The following CNOT4 variants were observed in gnomAD, a reference collection of about 807,000 sequenced individuals.
CNOT4 encodes CCR4-associated factor 4.
Under a neutral mutation model 73.8 loss-of-function variants are expected in CNOT4, and 8 were observed. That is an observed-to-expected ratio of 0.11 (90% CI 0.06 to 0.20). CNOT4 has a LOEUF of 0.20. CNOT4 is among the 10% of genes least tolerant of loss of function. CNOT4 has a pLI of 1.00. For missense variants in CNOT4, 564 were observed against 883.4 expected (o/e 0.64, Z 4.58); for synonymous variants, 293 against 321.1 (o/e 0.91, Z 0.94).
At chr7:135,502,504 A>T (rs1804049154) in intron 1 of CNOT4, among the ~76,000 whole-genome samples, 1 of 152,168 alleles carries the variant, frequency 6.6e-6, no homozygotes, top group Non-Finnish European at 1.5e-5. Flanking sequence ...GTGGTTCCAT[A>T]AGCAAAGTCT....
chr7:135,420,804 TTCTC>T (rs1481010697), intron 3 of CNOT4, among the ~76,000 whole-genome samples: 4 of 151,850 alleles, frequency 2.6e-5, no homozygotes, highest in Non-Finnish European at 5.9e-5. Context: ...TGAGGCAGGA[TTCTC>T]TCTGTCTGGG....
intron 10 of CNOT4, 109 bp downstream of exon 10, chr7:135,393,809 C>T (rs1007284828): frequency 2.7e-6 from 2 of 730,632 alleles, no homozygotes; most frequent in Non-Finnish European, 2.3e-6. Flanking sequence ...CTTTCATAGA[C>T]ATTTCCAAGA....
intron 10 of CNOT4, among the ~76,000 whole-genome samples, chr7:135,373,858 G>C (rs150033255): frequency 1.1e-3 from 174 of 152,292 alleles, no homozygotes; most frequent in African/African-American, 3.9e-3. Flanking sequence ...TGGGATTACA[G>C]GCCTGAGCCA....
chr7:135,483,417 G>T (rs1015584854), intron 1 of CNOT4, among the ~76,000 whole-genome samples: 3 of 151,936 alleles, frequency 2.0e-5, no homozygotes, highest in Non-Finnish European at 4.4e-5. Flanking sequence ...GGTATGCAAG[G>T]CTGGTTCAAC....
intron 1 of CNOT4, among the ~76,000 whole-genome samples, chr7:135,450,876 G>C (rs2129485866): frequency 6.6e-6 from 1 of 152,140 alleles, no homozygotes; most frequent in South Asian, 2.1e-4. Flanking sequence ...AGAATCACTT[G>C]AACCCAGGAG....
At chr7:135,481,081 T>C (rs1222725045) in intron 1 of CNOT4, among the ~76,000 whole-genome samples, 2 of 148,744 alleles carry the variant, frequency 1.3e-5, no homozygotes, top group East Asian at 3.9e-4. Flanking sequence ...AAAATAAAAA[T>C]AGACAAATGG....
chr7:135,373,609 GCT>G (rs1795342752), intron 10 of CNOT4, among the ~76,000 whole-genome samples: 1 of 152,128 alleles, frequency 6.6e-6, no homozygotes, highest in Non-Finnish European at 1.5e-5. Context: ...ACCAAGTCTT[GCT>G]CTGTCACCTA....
intron 2 of CNOT4, among the ~76,000 whole-genome samples, chr7:135,435,972 C>A (rs74645861): frequency 6.9e-6 from 1 of 145,630 alleles, no homozygotes; most frequent in Non-Finnish European, 1.5e-5. Context: ...ATACTTGACC[C>A]AACTACACTG....
chr7:135,488,704 A>C lies in CNOT4; in HGVS notation c.-93+21185T>G, dbSNP rs531850419. Among the ~76,000 whole-genome samples the C allele has an allele frequency of 7.9e-5, 12 of 152,282 alleles. No homozygotes were observed. In the South Asian group the frequency reaches 1.0e-3, roughly 13 times the overall value. ...TTCAATGCACTTTTTTACCTGATAA[A>C]ATTTGCCTTTATTTTAAATTTTAAA... On this transcript the variant is annotated intron_variant, in intron 1 of 11. Transcript: ENST00000541284.
At chr7:135,370,912 A>G (rs1795169476) in intron 10 of CNOT4, among the ~76,000 whole-genome samples, 1 of 152,242 alleles carries the variant, frequency 6.6e-6, no homozygotes, top group Non-Finnish European at 1.5e-5. Flanking sequence ...CCAAAACACA[A>G]GCAAATATAC....
rs142165617 is a variant in CNOT4, at chr7:135,485,198, G to A, written c.-93+24691C>T. On this transcript the variant is annotated intron_variant, in intron 1 of 11. Transcript: ENST00000541284. ...AGCGATTCTCCTGCCTCAGTCTTCC[G>A]AGTAGCTGGGATTACAGGTGCGTGC... Among the ~76,000 whole-genome samples, 1,292 of 152,194 alleles carry A rather than the reference G, an allele frequency of 8.5e-3. 19 individuals carry two copies. The highest frequency in any genetic ancestry group is 0.029 in the African/African-American group (1,224 of 41,524).
intron 1 of CNOT4, among the ~76,000 whole-genome samples, chr7:135,447,873 G>A (rs906260962): frequency 1.3e-5 from 2 of 152,196 alleles, no homozygotes; most frequent in African/African-American, 4.8e-5. Context: ...TATGGATCTG[G>A]CTAAGAAGCA....
In CNOT4 at chr7:135,484,748, C is replaced by G. The variant is rs1343506146; in HGVS notation, c.-93+25141G>C. ...CTAGCCTAGGCAAGAGAGTGAGACT[C>G]TGTCTCAAAAAAAAAAAAAAAATCA... is the stretch of plus-strand genomic sequence containing the variant. On this transcript the variant is annotated intron_variant, in intron 1 of 11. Transcript: ENST00000541284. Among the ~76,000 whole-genome samples, 14 of 146,274 alleles carry G rather than the reference C, an allele frequency of 9.6e-5. No homozygotes were observed. The East Asian group carries it at 2.8e-3, about 29-fold the overall frequency.
At chr7:135,474,223 C>T (rs887542528) in intron 1 of CNOT4, among the ~76,000 whole-genome samples, 20 of 151,292 alleles carry the variant, frequency 1.3e-4, no homozygotes, top group African/African-American at 4.9e-4. Context: ...CATGATGCAC[C>T]TGCCTCAGCC....
At chr7:135,456,447 T>G (rs1007793937) in intron 1 of CNOT4, among the ~76,000 whole-genome samples, 27 of 152,068 alleles carry the variant, frequency 1.8e-4, no homozygotes, top group African/African-American at 3.4e-4. Context: ...ATCTTTTGAC[T>G]ACATATTAGG....
In CNOT4 at chr7:135,362,112, A is replaced by T. The variant is rs908708965; in HGVS notation, c.*773T>A. 7 of 152,468 alleles carry T rather than the reference A, an allele frequency of 4.6e-5. No individual in the cohort carries two copies. Among genetic ancestry groups the T allele is most frequent in the Admixed American group, 2.6e-4 (4 of 15,290 alleles). The allele number at this position is 152,468 out of a possible 1,614,324, so 9.4% of individuals were successfully genotyped here. A position where few individuals can be genotyped will look rare whatever the true frequency, so the allele number is the denominator to read the frequency against. On this transcript the variant is annotated 3_prime_UTR_variant, in exon 12 of 12. Coordinates refer to ENST00000541284, the MANE Select transcript of CNOT4 (RefSeq NM_001190850.2). The stretch of plus-strand genomic sequence containing the variant: ...GAGAAGGACTGAAGAAATGACTTAC[A>T]TTTCAGCTCTTATATTATTAATAGG...
intron 1 of CNOT4, among the ~76,000 whole-genome samples, chr7:135,485,098 G>C (rs1015583298): frequency 6.6e-6 from 1 of 152,072 alleles, no homozygotes; most frequent in African/African-American, 2.4e-5. Flanking sequence ...TTTTGAGATG[G>C]AGTCTCGCTC....
chr7:135,454,798 C>G (rs1258615860), intron 1 of CNOT4, among the ~76,000 whole-genome samples: 1 of 152,100 alleles, frequency 6.6e-6, no homozygotes, highest in Non-Finnish European at 1.5e-5. Flanking sequence ...GCACAAGAAT[C>G]ACTTGAGCCT....
At chr7:135,494,280 G>C (rs1803310137) in intron 1 of CNOT4, among the ~76,000 whole-genome samples, 2 of 151,952 alleles carry the variant, frequency 1.3e-5, no homozygotes, top group South Asian at 4.2e-4. Flanking sequence ...GACCAGCCTG[G>C]CCAACATGGT....
Sources: allele counts gnomAD v4.1 joint callset (sites outside exome capture counted in the v4.1 genomes callset), GRCh38; gene constraint gnomAD v4.1.1; transcripts MANE v1.5; gene names NCBI Gene and HGNC (gene_info 2026-07-23, HGNC 2026-07-21).